Variants in HDAC1 observed in about 807,000 individuals in gnomAD.
HDAC1 encodes histone deacetylase 1.
In HDAC1, 18 loss-of-function variants were observed where a neutral mutation model predicts 65.5. The observed-to-expected ratio is 0.27, with a 90% CI of 0.19 to 0.41. The LOEUF (loss-of-function observed/expected upper bound fraction) is 0.41, where lower values mean the gene tolerates loss of function less well. HDAC1 is among the 10% of genes least tolerant of loss of function. The pLI is 1.00. For missense variants in HDAC1, 373 were observed against 625.2 expected (o/e 0.60, Z 4.30); for synonymous variants, 211 against 227.9 (o/e 0.93, Z 0.67).
At chr1:32,297,077 G>A (rs1206481748) in intron 1 of HDAC1, among the ~76,000 whole-genome samples, 7 of 152,130 alleles carry the variant, frequency 4.6e-5, no homozygotes, top group Admixed American at 4.6e-4. Context: ...GAATCTTGAA[G>A]AGAGGAGATT....
rs1420901500 is a variant in HDAC1, at chr1:32,302,699, T to C, written c.128T>C (p.Leu43Pro). The C allele has an allele frequency of 2.5e-6, 4 of 1,598,056 alleles. No individual in the cohort carries two copies. The Admixed American group carries it at 6.7e-5, about 27-fold the overall frequency. The change falls in exon 2 of 14, where the codon CTC becomes CCC. Residue 43 changes from leucine (L) to proline (P), a missense_variant. Leu to Pro is a moderately conservative substitution (Grantham distance 98, BLOSUM62 -3). Around this residue, in one of 4 missense-constraint regions of HDAC1, gnomAD observed 80 missense variants for 126.3 expected, o/e 0.63. Transcript: ENST00000373548. Reference protein sequence around the residue: ...HRIRMTHNLLLNYGLYRKMEI... With the variant: ...HRIRMTHNLLPNYGLYRKMEI... The stretch of plus-strand genomic sequence containing the variant: ...ATCCGCATGACTCATAATTTGCTGC[T>C]CAACTATGGTCTCTACCGAAAAATG...
intron 1 of HDAC1, among the ~76,000 whole-genome samples, chr1:32,292,673 C>A (rs1180364769): frequency 6.6e-6 from 1 of 152,062 alleles, no homozygotes. Flanking sequence ...CTGAGCGGGG[C>A]CTGCGGTTGC....
chr1:32,294,819 T>A (rs1640746461), intron 1 of HDAC1, among the ~76,000 whole-genome samples: 1 of 136,534 alleles, frequency 7.3e-6, no homozygotes, highest in African/African-American at 2.7e-5. Context: ...CGGCCCCAAC[T>A]TTTTTTTTTT....
chr1:32,319,398 C>T lies in HDAC1; in HGVS notation c.280+2616C>T, dbSNP rs1641110017. Among the ~76,000 whole-genome samples, 3 of 152,122 alleles carry T rather than the reference C, an allele frequency of 2.0e-5. No individual in the cohort carries two copies. The South Asian group carries it at 6.2e-4, about 31-fold the overall frequency. ...GAGTAGACAGAGACTTTAGATGTCA[C>T]TTAACACAGTGCTTTATAACCTGGG... On this transcript the variant is annotated intron_variant, in intron 3 of 13. Coordinates refer to ENST00000373548, the MANE Select transcript of HDAC1 (RefSeq NM_004964.3).
rs750474499 is a variant in HDAC1 at position 32,330,838 on chromosome 1, C to T, written c.909C>T (p.Tyr303=). 1.2e-5 allele frequency: 19 copies of T among 1,614,008 alleles called. No individual in the cohort carries two copies. Among genetic ancestry groups the T allele is most frequent in the Non-Finnish European group, 1.5e-5 (18 of 1,179,996 alleles). ...TGCTGATGCTGGGAGGCGGTGGTTA[C>T]ACCATTCGTAACGTTGCCCGGTGCT... ...LPMLMLGGGG[Y]TIRNVARCWT... is the part of the protein sequence containing the mutation. Residue 303 remains tyrosine, a synonymous_variant, in exon 9 of 14, where the codon TAC becomes TAT. Coordinates refer to ENST00000373548, the MANE Select transcript of HDAC1 (RefSeq NM_004964.3). The surrounding 1 kb of genome is among the most constrained non-coding windows in gnomAD (Gnocchi z 4.2).
chr1:32,304,187 A>G (rs1230091298), intron 2 of HDAC1, among the ~76,000 whole-genome samples: 2 of 152,156 alleles, frequency 1.3e-5, no homozygotes, highest in African/African-American at 2.4e-5. Context: ...AACTACCAAC[A>G]GTGGTATTTT....
At chr1:32,302,449 C>CTTT (rs372936348) in intron 1 of HDAC1, among the ~76,000 whole-genome samples, 172 bp from the exon 2 acceptor site, 1 of 132,054 alleles carries the variant, frequency 7.6e-6, no homozygotes, top group Non-Finnish European at 1.6e-5. Flanking sequence ...AGGGTCCCTG[C>CTTT]TTTTTTTTTT....
intron 4 of HDAC1, 58 bp downstream of exon 4, chr1:32,324,611 C>G: frequency 8.9e-7 from 1 of 1,120,422 alleles, no homozygotes. Flanking sequence ...TGAGGTCTGC[C>G]TTTTAGGCTG....
intron 3 of HDAC1, among the ~76,000 whole-genome samples, chr1:32,317,379 G>C (rs1204239642): frequency 1.3e-5 from 2 of 152,148 alleles, no homozygotes; most frequent in East Asian, 3.8e-4. Flanking sequence ...GAAAAAAAAA[G>C]TATTCAAATT....
At chr1:32,314,357 T>C (rs902843438) in intron 2 of HDAC1, among the ~76,000 whole-genome samples, 55 of 152,198 alleles carry the variant, frequency 3.6e-4, no homozygotes, top group African/African-American at 1.3e-3. Context: ...CACAGCCAGC[T>C]AATTTTTTAT....
intron 1 of HDAC1, among the ~76,000 whole-genome samples, chr1:32,293,613 C>T (rs1355965127): frequency 6.6e-6 from 1 of 151,758 alleles, no homozygotes; most frequent in African/African-American, 2.4e-5. Flanking sequence ...ACTAAAAATA[C>T]AAAATTTAGG....
chr1:32,307,185 C>G (rs182646965), intron 2 of HDAC1, among the ~76,000 whole-genome samples: 304 of 152,242 alleles, frequency 2.0e-3, no homozygotes, highest in Admixed American at 2.8e-3. Flanking sequence ...GCAGAGGTTG[C>G]AGTGAGCTGA....
Position 32,333,295 on chromosome 1 carries a change from G to A in HDAC1, c.*251G>A. Reference sequence around the variant, plus strand: ...AAGGGTGCCAGGTCTGGGTGAAAGGGATACTTTTATGCAACCATAAGACAA... The same window carrying A: ...AAGGGTGCCAGGTCTGGGTGAAAGGAATACTTTTATGCAACCATAAGACAA... On this transcript the variant is annotated 3_prime_UTR_variant, in exon 14 of 14. Coordinates refer to ENST00000373548, the MANE Select transcript of HDAC1 (RefSeq NM_004964.3). 1 of 353,694 alleles carries A rather than the reference G, an allele frequency of 2.8e-6. No homozygotes were observed. The highest frequency in any genetic ancestry group is 5.1e-6 in the Non-Finnish European group (1 of 196,788). The allele number at this position is 353,694 out of a possible 1,614,324, so 21.9% of individuals were successfully genotyped here. A position where few individuals can be genotyped will look rare whatever the true frequency, so the allele number is the denominator to read the frequency against.
chr1:32,293,131 GC>G (rs1022380833), intron 1 of HDAC1, among the ~76,000 whole-genome samples: 1 of 151,956 alleles, frequency 6.6e-6, no homozygotes, highest in African/African-American at 2.4e-5. Flanking sequence ...GACCAGCCTG[GC>G]CAACATGGTG....
At chr1:32,294,440 C>T (rs530329261) in intron 1 of HDAC1, among the ~76,000 whole-genome samples, 2 of 151,520 alleles carry the variant, frequency 1.3e-5, no homozygotes, top group South Asian at 4.2e-4. Context: ...GCCACACTTC[C>T]TGGCCTCTGA....
intron 12 of HDAC1, 61 bp from the exon 13 acceptor site, chr1:32,332,640 A>G: frequency 8.0e-7 from 1 of 1,246,892 alleles, no homozygotes; most frequent in Non-Finnish European, 1.1e-6. Flanking sequence ...GGGTAAATGA[A>G]GACCTCATGG....
At chr1:32,310,695 C>T (rs1640978314) in intron 2 of HDAC1, among the ~76,000 whole-genome samples, 1 of 151,812 alleles carries the variant, frequency 6.6e-6, no homozygotes, top group South Asian at 2.1e-4. Context: ...ACTAAAAATA[C>T]AAAAATTAGC....
At chr1:32,294,848 A>G (rs1170887843) in intron 1 of HDAC1, among the ~76,000 whole-genome samples, 2 of 147,232 alleles carry the variant, frequency 1.4e-5, no homozygotes, top group East Asian at 2.0e-4. Context: ...ACTTCTAGAG[A>G]TGGGGTCTCA....
Position 32,327,323 on chromosome 1 carries a change from C to G in HDAC1, c.495-213C>G. 1 of 618,384 alleles carries G rather than the reference C, an allele frequency of 1.6e-6. No individual in the cohort carries two copies. The highest frequency in any genetic ancestry group is 2.8e-6 in the Non-Finnish European group (1 of 351,624). 38.3% of individuals were successfully genotyped at this position (618,384 alleles called of 1,614,324 possible). A position where few individuals can be genotyped will look rare whatever the true frequency, so the allele number is the denominator to read the frequency against. ...TGTCCCTGTGTGGCTGGAGTTGACC[C>G]TGGCTGTAGAGTAGGAAGATCGGAC... On this transcript the variant is annotated intron_variant, in intron 5 of 13. Transcript: ENST00000373548. This position sits in a 1 kb window ranked among gnomAD's most constrained non-coding sequence, Gnocchi z 6.0.
Sources: gnomAD v4.1 joint callset for allele counts (sites outside exome capture counted in the v4.1 genomes callset) on GRCh38, gnomAD v4.1.1 for gene constraint, gnomAD v4.1.1 regional missense constraint, Gnocchi (gnomAD v3.1) non-coding constraint, MANE v1.5 for transcripts, NCBI Gene and HGNC (gene_info 2026-07-23, HGNC 2026-07-21) for gene names.